CLDN11: variants seen among roughly 807,000 people sequenced by gnomAD.
The protein encoded by CLDN11 is claudin 11, also known as claudin-11.
A neutral mutation model predicts 18.0 loss-of-function variants in CLDN11; 1 was observed. The observed-to-expected ratio is 0.06, with a 90% CI of 0.02 to 0.26. The LOEUF (loss-of-function observed/expected upper bound fraction) is 0.26, where lower values mean the gene tolerates loss of function less well. Among genes scored for constraint, CLDN11 ranks in the 10% least tolerant of loss-of-function variants. The pLI is 1.00. For missense variants in CLDN11, 172 were observed against 276.6 expected (o/e 0.62, Z 2.68); for synonymous variants, 116 against 121.5 (o/e 0.96, Z 0.30).
rs1738653398 is a variant in CLDN11, at chr3:170,418,951, G to A, written c.-116G>A. 2 of 773,426 alleles carry A rather than the reference G, an allele frequency of 2.6e-6. No homozygotes were observed. The highest frequency in any genetic ancestry group is 4.2e-6 in the Non-Finnish European group (2 of 473,794). 47.9% of individuals were successfully genotyped at this position (773,426 alleles called of 1,614,324 possible). A position where few individuals can be genotyped will look rare whatever the true frequency, so the allele number is the denominator to read the frequency against. ...CCTCCACCTCCAGTGTCCCGCCTCG[G>A]GCCGTCGCCCTCCAGCGGCTCGCGA... On this transcript the variant is annotated 5_prime_UTR_variant, in exon 1 of 3. Coordinates refer to ENST00000064724, the MANE Select transcript of CLDN11 (RefSeq NM_005602.6). This position sits in a 1 kb window ranked among gnomAD's most constrained non-coding sequence, Gnocchi z 4.3.
Position 170,419,606 on chromosome 3 carries a change from C to A in CLDN11, c.226+314C>A, listed in dbSNP as rs1453728144. The stretch of plus-strand genomic sequence containing the variant: ...TCCGTGTTAATTACTGCGGTCCCAG[C>A]CCGCATCCTTCCACCGTCCGCTTCC... On this transcript the variant is annotated intron_variant, in intron 1 of 2. Transcript: ENST00000064724. This position sits in a 1 kb window ranked among gnomAD's most constrained non-coding sequence, Gnocchi z 8.6. 6.6e-6 allele frequency among the ~76,000 whole-genome samples: 1 copy of A among 152,262 alleles called. No individual in the cohort carries two copies. The highest frequency in any genetic ancestry group is 2.4e-5 in the African/African-American group (1 of 41,482).
In CLDN11 at chr3:170,419,418, A is replaced by G. The variant is rs529226545; in HGVS notation, c.226+126A>G. The G allele has an allele frequency of 1.6e-5, 10 of 640,672 alleles. No individual in the cohort carries two copies. In the East Asian group the frequency reaches 1.7e-4, roughly 11 times the overall value. The allele number at this position is 640,672 out of a possible 1,614,324, so 39.7% of individuals were successfully genotyped here. On this transcript the variant is annotated intron_variant, in intron 1 of 2. Coordinates refer to ENST00000064724, the MANE Select transcript of CLDN11 (RefSeq NM_005602.6). This position sits in a 1 kb window ranked among gnomAD's most constrained non-coding sequence, Gnocchi z 8.6. ...CTTTGGGTACGTTTTTGACATCCCTAGTCCCACCTTGTTGTAAAAGAATTA... is the reference window on the plus strand; with the variant it reads ...CTTTGGGTACGTTTTTGACATCCCTGGTCCCACCTTGTTGTAAAAGAATTA...
chr3:170,428,418 A>G (rs1738917576), intron 2 of CLDN11, among the ~76,000 whole-genome samples: 1 of 152,230 alleles, frequency 6.6e-6, no homozygotes, highest in African/African-American at 2.4e-5. Flanking sequence ...TCACATCACC[A>G]TCATTCTTAG....
chr3:170,428,119 C>A (rs1279774318), intron 2 of CLDN11, among the ~76,000 whole-genome samples: 1 of 149,358 alleles, frequency 6.7e-6, no homozygotes, highest in African/African-American at 2.5e-5. Context: ...TGCCCTCCAG[C>A]CTGGGTGACA....
At position 170,433,606 on chromosome 3, in the gene CLDN11, T is replaced by C. The variant is rs1739067157; in HGVS notation, c.*850T>C. ...GGAACGAACTTTCCATGGGAAACTT[T>C]CCCTTTTGTAAGTTGAGGGCCAGGG... On this transcript the variant is annotated 3_prime_UTR_variant, in exon 3 of 3. Coordinates refer to ENST00000064724, the MANE Select transcript of CLDN11 (RefSeq NM_005602.6). 6.6e-6 allele frequency: 1 copy of C among 152,624 alleles called. No individual in the cohort carries two copies. The highest frequency in any genetic ancestry group is 2.1e-4 in the South Asian group (1 of 4,828). 9.5% of individuals were successfully genotyped at this position (152,624 alleles called of 1,614,324 possible). A position where few individuals can be genotyped will look rare whatever the true frequency, so the allele number is the denominator to read the frequency against.
At chr3:170,424,053 AAAAAGAAAG>A (rs1738786674) in intron 2 of CLDN11, among the ~76,000 whole-genome samples, 1 of 151,822 alleles carries the variant, frequency 6.6e-6, no homozygotes, top group African/African-American at 2.4e-5. Context: ...AAGAAAAAGA[AAAAAGAAAG>A]AAAGAAAAAA....
intron 1 of CLDN11, 118 bp from the exon 2 acceptor site, chr3:170,423,045 A>G: frequency 1.8e-6 from 2 of 1,082,264 alleles, no homozygotes; most frequent in South Asian, 1.4e-5. Flanking sequence ...GCACCTTCTA[A>G]GTCCTGGAAT....
chr3:170,428,086 G>C (rs1157807520), intron 2 of CLDN11, among the ~76,000 whole-genome samples: 1 of 149,966 alleles, frequency 6.7e-6, no homozygotes, highest in African/African-American at 2.5e-5. Context: ...GAATGAGTCT[G>C]CAGTGAGTCG....
intron 2 of CLDN11, among the ~76,000 whole-genome samples, chr3:170,428,796 GA>G (rs1464984555): frequency 6.6e-6 from 1 of 152,180 alleles, no homozygotes. Flanking sequence ...CTTGTTTTTA[GA>G]GACTTAATTT....
rs1267420575 is a variant in CLDN11 at position 170,419,244 on chromosome 3, A to T, written c.178A>T (p.Thr60Ser). The T allele has an allele frequency of 6.3e-7, 1 of 1,575,488 alleles. No individual in the cohort carries two copies. The highest frequency in any genetic ancestry group is 1.4e-5 in the African/African-American group (1 of 73,922). The stretch of plus-strand genomic sequence containing the variant: ...GCTGTGGGCCGACTGCGTCATGGCC[A>T]CGGGGCTGTACCACTGCAAGCCCCT... ...KGLWADCVMA[T>S]GLYHCKPLVD... The change falls in exon 1 of 3, where the codon ACG becomes TCG. Residue 60 changes from threonine to serine, a missense_variant. This residue lies in a region of CLDN11 where 161 missense variants were observed against 240.3 expected (regional missense o/e 0.67). Transcript: ENST00000064724. The surrounding 1 kb of genome is among the most constrained non-coding windows in gnomAD (Gnocchi z 8.6).
At chr3:170,423,427 G>C (rs1445053773) in intron 2 of CLDN11, 100 bp downstream of exon 2, 1 of 1,275,818 alleles carries the variant, frequency 7.8e-7, no homozygotes, top group Non-Finnish European at 1.1e-6. Flanking sequence ...AATGTGAAAG[G>C]AAGCCAAGTG....
intron 2 of CLDN11, among the ~76,000 whole-genome samples, chr3:170,425,890 G>A (rs1738841211): frequency 6.6e-6 from 1 of 152,226 alleles, no homozygotes; most frequent in Non-Finnish European, 1.5e-5. Context: ...ATTGTCTCAA[G>A]CATGGCACCT....
rs1477595341 is a variant in CLDN11 at position 170,433,315 on chromosome 3, G to GT, written c.*565dup. On this transcript the variant is annotated 3_prime_UTR_variant, in exon 3 of 3. Coordinates refer to ENST00000064724, the MANE Select transcript of CLDN11 (RefSeq NM_005602.6). ...ACTACTACACCCAGCTAATTTTTAA[G>GT]TTTTTTATAGAGATGAGGGCTCCCT... 2 of 151,036 alleles carry GT rather than the reference G, an allele frequency of 1.3e-5. No homozygotes were observed. Among genetic ancestry groups the GT allele is most frequent in the Non-Finnish European group, 3.0e-5 (2 of 67,772 alleles). 9.4% of individuals were successfully genotyped at this position (151,036 alleles called of 1,614,324 possible).
chr3:170,429,556 G>A (rs1738947051), intron 2 of CLDN11, among the ~76,000 whole-genome samples: 1 of 152,128 alleles, frequency 6.6e-6, no homozygotes, highest in Non-Finnish European at 1.5e-5. Flanking sequence ...CCATTCCTAT[G>A]GAGGTTCATT....
At chr3:170,421,829 G>C (rs1236849887) in intron 1 of CLDN11, among the ~76,000 whole-genome samples, 1 of 152,142 alleles carries the variant, frequency 6.6e-6, no homozygotes, top group Non-Finnish European at 1.5e-5. Flanking sequence ...ATTGTAATCT[G>C]TTTCTTAATA....
At position 170,428,096 on chromosome 3, in the gene CLDN11, G is replaced by A. The variant is rs1467204077; in HGVS notation, c.392-4428G>A. Among the ~76,000 whole-genome samples, 3 of 147,650 alleles carry A rather than the reference G, an allele frequency of 2.0e-5. No homozygotes were observed. In the East Asian group the frequency reaches 6.0e-4, roughly 30 times the overall value. On this transcript the variant is annotated intron_variant, in intron 2 of 2. Transcript: ENST00000064724. ...CGGGAGAATGAGTCTGCAGTGAGTC[G>A]AGATTGCACCACTGCCCTCCAGCCT...
chr3:170,425,130 A>G (rs1738821808), intron 2 of CLDN11, among the ~76,000 whole-genome samples: 1 of 152,130 alleles, frequency 6.6e-6, no homozygotes, highest in Non-Finnish European at 1.5e-5. Flanking sequence ...GGTCAGGTCT[A>G]TTGTCTGACT....
intron 2 of CLDN11, among the ~76,000 whole-genome samples, chr3:170,428,308 C>T (rs1738915051): frequency 6.6e-6 from 1 of 152,152 alleles, no homozygotes; most frequent in Admixed American, 6.5e-5. Context: ...GTTTATTTAA[C>T]TCCATGTGTT....
chr3:170,421,234 G>A (rs1431971850), intron 1 of CLDN11: 38 of 981,448 alleles, frequency 3.9e-5, no homozygotes, highest in Non-Finnish European at 4.4e-5. Context: ...ACAGTCCTCT[G>A]TCCCTATCTT....
Sources: gnomAD v4.1 joint callset for allele counts (sites outside exome capture counted in the v4.1 genomes callset) on GRCh38, gnomAD v4.1.1 for gene constraint, gnomAD v4.1.1 regional missense constraint, Gnocchi (gnomAD v3.1) non-coding constraint, MANE v1.5 for transcripts, NCBI Gene and HGNC (gene_info 2026-07-23, HGNC 2026-07-21) for gene names.